Variants in INPP4B observed in about 807,000 individuals in gnomAD.
INPP4B encodes the protein inositol polyphosphate-4-phosphatase type II B.
In INPP4B, 55 loss-of-function variants were observed where a neutral mutation model predicts 122.5. The ratio of observed to expected loss-of-function variants is 0.45; its 90% CI spans 0.36 to 0.56. The LOEUF is 0.56. Ranked by LOEUF, INPP4B falls within the 20% of genes least tolerant of loss-of-function variation. The pLI, the probability that INPP4B is intolerant of heterozygous loss-of-function variation, is 0.00. For missense variants in INPP4B, 1,000 were observed against 1,097.7 expected, an observed-to-expected ratio of 0.91 and a Z score of 1.26; for synonymous variants, 403 against 388.7, an observed-to-expected ratio of 1.04 and a Z score of -0.43.
rs138781087 is a variant in INPP4B, at chr4:142,144,193, C to T, written c.1720+1647G>A. Among the ~76,000 whole-genome samples the T allele has an allele frequency of 9.7e-3, 1,455 of 149,666 alleles. 27 individuals are homozygous for T. Among genetic ancestry groups the T allele is most frequent in the African/African-American group, 0.034 (1,386 of 40,814 alleles). The stretch of plus-strand genomic sequence containing the variant: ...CCTTTTAAAATGCATTTTGAATGCC[C>T]AGATGCAGTCTTCTGATGAAATACA... On this transcript the variant is annotated intron_variant, in intron 18 of 25. Coordinates refer to ENST00000262992, the MANE Select transcript of INPP4B (RefSeq NM_001101669.3).
intron 17 of INPP4B, among the ~76,000 whole-genome samples, chr4:142,148,674 C>A (rs983925089): frequency 6.6e-6 from 1 of 152,152 alleles, no homozygotes; most frequent in Non-Finnish European, 1.5e-5. Context: ...ATATATTGTT[C>A]TTCCTTTCCA....
chr4:142,286,140 G>A (rs1021504790), intron 9 of INPP4B, among the ~76,000 whole-genome samples: 9 of 152,246 alleles, frequency 5.9e-5, no homozygotes, highest in Admixed American at 2.0e-4. Flanking sequence ...ACAGTATTCC[G>A]CTTTAATTCA....
chr4:142,411,882 ACT>A (rs1402851451), intron 5 of INPP4B, among the ~76,000 whole-genome samples: 3 of 151,972 alleles, frequency 2.0e-5, no homozygotes, highest in Admixed American at 6.6e-5. Flanking sequence ...ACAGAGTGAG[ACT>A]CTGTCTCAAA....
intron 2 of INPP4B, chr4:142,519,099 C>T (rs1261080636): frequency 1.3e-5 from 2 of 152,128 alleles, no homozygotes; most frequent in Non-Finnish European, 2.9e-5. Flanking sequence ...CTGCCACCCC[C>T]TAACATACAC....
At chr4:142,253,872 C>T (rs1733983788) in intron 11 of INPP4B, among the ~76,000 whole-genome samples, 1 of 152,158 alleles carries the variant, frequency 6.6e-6, no homozygotes, top group South Asian at 2.1e-4. Flanking sequence ...GGAGGCCTGC[C>T]TGCCTCTGTA....
chr4:142,845,128 C>A (rs192581548), intron 1 of INPP4B, among the ~76,000 whole-genome samples: 1 of 152,010 alleles, frequency 6.6e-6, no homozygotes, highest in Non-Finnish European at 1.5e-5. Flanking sequence ...AAAACCCTAC[C>A]GGGTTTTTCC....
chr4:142,607,916 A>G (rs1000899130), intron 2 of INPP4B, among the ~76,000 whole-genome samples: 14 of 152,118 alleles, frequency 9.2e-5, no homozygotes, highest in African/African-American at 3.1e-4. Context: ...TTCCTGTTCT[A>G]TGGGGCAAAT....
At chr4:142,617,940 C>T (rs1055151138) in intron 2 of INPP4B, among the ~76,000 whole-genome samples, 10 of 151,866 alleles carry the variant, frequency 6.6e-5, no homozygotes, top group Non-Finnish European at 1.5e-4. Context: ...ATGAGCTAGT[C>T]CAAATTATTA....
chr4:142,605,129 A>T (rs1349260385), intron 2 of INPP4B, among the ~76,000 whole-genome samples: 1 of 151,986 alleles, frequency 6.6e-6, no homozygotes, highest in Non-Finnish European at 1.5e-5. Flanking sequence ...TCAACCTACC[A>T]AGACTGACTC....
At chr4:142,662,400 A>G (rs1755364379) in intron 2 of INPP4B, among the ~76,000 whole-genome samples, 1 of 152,134 alleles carries the variant, frequency 6.6e-6, no homozygotes, top group Non-Finnish European at 1.5e-5. Flanking sequence ...AGGTACTCAC[A>G]TTTTTAATTT....
chr4:142,319,137 GCACAC>G (rs1769026882), intron 7 of INPP4B, among the ~76,000 whole-genome samples: 1 of 152,142 alleles, frequency 6.6e-6, no homozygotes, highest in Non-Finnish European at 1.5e-5. Context: ...TCCTGGGTCT[GCACAC>G]TAGGCTGGCA....
chr4:142,035,438 T>A (rs1009397587), intron 25 of INPP4B, among the ~76,000 whole-genome samples: 1 of 152,282 alleles, frequency 6.6e-6, no homozygotes, highest in African/African-American at 2.4e-5. Flanking sequence ...CTCTAGAATC[T>A]TTTTAACTAG....
chr4:142,265,375 A>C (rs1043334128), intron 10 of INPP4B, among the ~76,000 whole-genome samples: 2 of 152,214 alleles, frequency 1.3e-5, no homozygotes, highest in African/African-American at 4.8e-5. Flanking sequence ...CTTCTATTTC[A>C]GTTACTTTCT....
intron 14 of INPP4B, among the ~76,000 whole-genome samples, chr4:142,198,278 A>C (rs957876249): frequency 5.3e-5 from 8 of 152,070 alleles, no homozygotes; most frequent in Non-Finnish European, 1.2e-4. Context: ...TTAAGGACAG[A>C]AAATTTCTGT....
intron 2 of INPP4B, among the ~76,000 whole-genome samples, chr4:142,632,927 T>C: frequency 6.6e-6 from 1 of 150,888 alleles, no homozygotes; most frequent in Non-Finnish European, 1.5e-5. Context: ...GAAAAAAAAA[T>C]TTTAAATAAT....
At chr4:142,781,636 A>G (rs1378007947) in intron 1 of INPP4B, among the ~76,000 whole-genome samples, 1 of 152,234 alleles carries the variant, frequency 6.6e-6, no homozygotes, top group East Asian at 1.9e-4. Context: ...GTATAAAAAA[A>G]CCAAAGATAT....
chr4:142,086,587 TCAAA>T (rs1227698768), intron 23 of INPP4B, among the ~76,000 whole-genome samples: 1 of 152,144 alleles, frequency 6.6e-6, no homozygotes, highest in Non-Finnish European at 1.5e-5. Context: ...ACTCCTGAGC[TCAAA>T]CAAACTGCCT....
rs35633678 is a variant in INPP4B, at chr4:142,535,759, C to CT, written c.-190-73034dup. On this transcript the variant is annotated intron_variant, in intron 2 of 25. Coordinates refer to ENST00000262992, the MANE Select transcript of INPP4B (RefSeq NM_001101669.3). ...ATTTCCTAAATTCAATCATCATTCTCTTTTTTTTTCCACTCCATACTCTTC... is the reference window on the plus strand; with the variant it reads ...ATTTCCTAAATTCAATCATCATTCTCTTTTTTTTTTCCACTCCATACTCTTC... Among the ~76,000 whole-genome samples, 1,290 of 151,478 alleles carry CT rather than the reference C, an allele frequency of 8.5e-3. 13 individuals carry two copies. Among genetic ancestry groups the CT allele is most frequent in the African/African-American group, 0.027 (1,125 of 41,116 alleles).
intron 1 of INPP4B, among the ~76,000 whole-genome samples, chr4:142,760,721 T>C (rs1771208289): frequency 6.6e-6 from 1 of 152,150 alleles, no homozygotes; most frequent in Non-Finnish European, 1.5e-5. Flanking sequence ...AATTGGACTT[T>C]TTATGAAGAA....
Sources: gnomAD v4.1 joint callset for allele counts (sites outside exome capture counted in the v4.1 genomes callset) on GRCh38, gnomAD v4.1.1 for gene constraint, MANE v1.5 for transcripts, NCBI Gene and HGNC (gene_info 2026-07-23, HGNC 2026-07-21) for gene names.